JAZF1: variants seen among roughly 807,000 people sequenced by gnomAD.
The protein encoded by JAZF1 is juxtaposed with another zinc finger protein 1.
In JAZF1, 8 loss-of-function variants were observed where a neutral mutation model predicts 26.4. That is an observed-to-expected ratio of 0.30 (90% CI 0.18 to 0.55). The LOEUF is 0.55. Ranked by LOEUF, JAZF1 falls within the 20% of genes least tolerant of loss-of-function variation. The pLI is 0.94. For missense variants in JAZF1, 199 were observed against 322.0 expected, an observed-to-expected ratio of 0.62 and a Z score of 2.92; for synonymous variants, 126 against 122.3, an observed-to-expected ratio of 1.03 and a Z score of -0.20.
At chr7:28,154,151 T>C (rs2127949486) in intron 1 of JAZF1, among the ~76,000 whole-genome samples, 1 of 152,238 alleles carries the variant, frequency 6.6e-6, no homozygotes, top group South Asian at 2.1e-4. Flanking sequence ...TCCCAACCCA[T>C]GAGGGTAACT....
At chr7:28,147,098 G>A (rs1021169293) in intron 1 of JAZF1, among the ~76,000 whole-genome samples, 4 of 151,830 alleles carry the variant, frequency 2.6e-5, no homozygotes, top group African/African-American at 7.3e-5. Context: ...CTCACACCTC[G>A]GCCTCCCAAA....
At chr7:27,872,280 A>G (rs919173473) in intron 3 of JAZF1, among the ~76,000 whole-genome samples, 2 of 152,262 alleles carry the variant, frequency 1.3e-5, no homozygotes, top group Non-Finnish European at 2.9e-5. Context: ...CACTTGCAGA[A>G]CAACAACAAA....
chr7:28,027,843 AGCCCCGAT>A (rs1301361320), intron 1 of JAZF1, among the ~76,000 whole-genome samples: 5 of 152,234 alleles, frequency 3.3e-5, no homozygotes, highest in African/African-American at 1.2e-4. Context: ...GCTGGGATTC[AGCCCCGAT>A]GCCTGTTTCT....
At chr7:28,098,239 C>A (rs184931116) in intron 1 of JAZF1, among the ~76,000 whole-genome samples, 3 of 151,990 alleles carry the variant, frequency 2.0e-5, no homozygotes, top group Non-Finnish European at 2.9e-5. Flanking sequence ...GTGGACGTAG[C>A]GAGAAGACAG....
At chr7:27,913,241 ATATT>A (rs1188966792) in intron 2 of JAZF1, among the ~76,000 whole-genome samples, 1 of 148,876 alleles carries the variant, frequency 6.7e-6, no homozygotes, top group African/African-American at 2.4e-5. Flanking sequence ...ATATACATAG[ATATT>A]TATGTTTACA....
At chr7:27,923,391 G>T (rs1011668875) in intron 2 of JAZF1, among the ~76,000 whole-genome samples, 14 of 152,168 alleles carry the variant, frequency 9.2e-5, no homozygotes, top group Non-Finnish European at 1.8e-4. Context: ...GTTAAAACAG[G>T]CCAGCTGGTG....
chr7:28,103,906 T>A (rs1406564973), intron 1 of JAZF1, among the ~76,000 whole-genome samples: 2 of 152,154 alleles, frequency 1.3e-5, no homozygotes, highest in Non-Finnish European at 2.9e-5. Context: ...CCTCCTCTTC[T>A]CAAGGGCCAC....
In JAZF1 at chr7:27,906,736, A is replaced by T. The variant is rs576836491; in HGVS notation, c.189-11320T>A. 1.1e-4 allele frequency among the ~76,000 whole-genome samples: 16 copies of T among 152,322 alleles called. No individual in the cohort carries two copies. In the East Asian group the frequency reaches 2.9e-3, roughly 28 times the overall value. The stretch of plus-strand genomic sequence containing the variant: ...AGTCTTTGGTTTGGAGACCAATGGA[A>T]TATCTTTCTCTTGGCAACTCCCTAT... On this transcript the variant is annotated intron_variant, in intron 2 of 4. Coordinates refer to ENST00000283928, the MANE Select transcript of JAZF1 (RefSeq NM_175061.4).
chr7:28,048,731 T>G (rs533304104), intron 1 of JAZF1, among the ~76,000 whole-genome samples: 3 of 152,196 alleles, frequency 2.0e-5, no homozygotes, highest in African/African-American at 7.2e-5. Context: ...TTATTCATAA[T>G]AGCCAAAAGG....
intron 1 of JAZF1, among the ~76,000 whole-genome samples, chr7:28,015,166 C>T (rs966287240): frequency 5.3e-5 from 8 of 152,012 alleles, no homozygotes; most frequent in Admixed American, 1.3e-4. Context: ...TCAGAGTCCT[C>T]GAAGCACCTC....
At chr7:28,112,719 G>A (rs1784681908) in intron 1 of JAZF1, among the ~76,000 whole-genome samples, 2 of 152,172 alleles carry the variant, frequency 1.3e-5, no homozygotes, top group Admixed American at 6.5e-5. Context: ...GGCCCGCCCA[G>A]GTTAGCAGTC....
chr7:28,066,157 T>C (rs913150134), intron 1 of JAZF1, among the ~76,000 whole-genome samples: 1 of 152,190 alleles, frequency 6.6e-6, no homozygotes, highest in African/African-American at 2.4e-5. Flanking sequence ...ACACACACCT[T>C]AGATGCACTG....
At chr7:28,141,490 G>A (rs1033792904) in intron 1 of JAZF1, among the ~76,000 whole-genome samples, 2 of 152,204 alleles carry the variant, frequency 1.3e-5, no homozygotes, top group African/African-American at 4.8e-5. Context: ...ATTCCAATAA[G>A]ACTGTCAATT....
chr7:28,057,846 T>G (rs975494822), intron 1 of JAZF1, among the ~76,000 whole-genome samples: 2 of 152,238 alleles, frequency 1.3e-5, no homozygotes, highest in Admixed American at 1.3e-4. Context: ...TTTTCCTTGA[T>G]CAATCTTGGC....
At chr7:27,851,981 A>G (rs1783159398) in intron 3 of JAZF1, among the ~76,000 whole-genome samples, 1 of 151,888 alleles carries the variant, frequency 6.6e-6, no homozygotes, top group Non-Finnish European at 1.5e-5. Context: ...TTATGGACCC[A>G]CACTGATGCC....
intron 1 of JAZF1, among the ~76,000 whole-genome samples, chr7:28,000,598 TTTTC>T (rs149120555): frequency 0.019 from 2,419 of 125,898 alleles, 37 homozygotes; most frequent in South Asian, 0.083. Flanking sequence ...CCTATTTTCT[TTTTC>T]TTTCTTTCTT....
At chr7:27,969,190 A>G (rs1785329656) in intron 2 of JAZF1, among the ~76,000 whole-genome samples, 1 of 152,186 alleles carries the variant, frequency 6.6e-6, no homozygotes, top group Non-Finnish European at 1.5e-5. Context: ...TGAAAGAGTG[A>G]GTCAGCCAAG....
At chr7:28,130,188 G>T (rs570429457) in intron 1 of JAZF1, among the ~76,000 whole-genome samples, 1 of 152,122 alleles carries the variant, frequency 6.6e-6, no homozygotes, top group Non-Finnish European at 1.5e-5. Context: ...GGAGGCCTCT[G>T]GATACATCTA....
chr7:27,918,671 C>T (rs1784481851), intron 2 of JAZF1, among the ~76,000 whole-genome samples: 1 of 152,168 alleles, frequency 6.6e-6, no homozygotes, highest in Non-Finnish European at 1.5e-5. Context: ...AGCAGAGTTG[C>T]AAGTAGCCAC....
Sources: allele counts gnomAD v4.1 joint callset (sites outside exome capture counted in the v4.1 genomes callset), GRCh38; gene constraint gnomAD v4.1.1; transcripts MANE v1.5; gene names NCBI Gene and HGNC (gene_info 2026-07-23, HGNC 2026-07-21).